The following EFNA5 variants were observed in gnomAD, a reference collection of about 807,000 sequenced individuals.
EFNA5 encodes ephrin-A5.
A neutral mutation model predicts 22.9 loss-of-function variants in EFNA5; 5 were observed. The observed-to-expected ratio is 0.22, with a 90% CI of 0.11 to 0.46. The LOEUF (loss-of-function observed/expected upper bound fraction) is 0.46, where lower values mean the gene tolerates loss of function less well. EFNA5 is among the 20% of genes least tolerant of loss of function. EFNA5 has a pLI of 0.99. For missense variants in EFNA5, 237 were observed against 293.3 expected, an observed-to-expected ratio of 0.81 and a Z score of 1.40; for synonymous variants, 113 against 112.2, an observed-to-expected ratio of 1.01 and a Z score of -0.04.
intron 1 of EFNA5, among the ~76,000 whole-genome samples, chr5:107,603,291 T>C (rs1295652374): frequency 6.6e-6 from 1 of 152,180 alleles, no homozygotes; most frequent in Admixed American, 6.5e-5. Flanking sequence ...ATTCCAGTCT[T>C]AGCTTAGAAA....
chr5:107,664,850 T>C (rs1486656051), intron 1 of EFNA5, among the ~76,000 whole-genome samples: 1 of 152,082 alleles, frequency 6.6e-6, no homozygotes, highest in African/African-American at 2.4e-5. Context: ...GAAAAGAAAA[T>C]TGATAATATA....
intron 1 of EFNA5, among the ~76,000 whole-genome samples, chr5:107,649,902 A>C (rs1251571676): frequency 1.3e-5 from 2 of 152,162 alleles, no homozygotes; most frequent in Non-Finnish European, 2.9e-5. Context: ...GGAATGATTA[A>C]GTAACTTGTC....
chr5:107,381,310 G>T lies in EFNA5; in HGVS notation c.632C>A (p.Pro211His), dbSNP rs1004258412. ...CAGTAGGATTGCCAAAAGGCGGCTG[G>T]GTATCCTTGGTGTTTGTGCCGCGTT... is the stretch of plus-strand genomic sequence containing the variant. Reference protein sequence around the residue: ...GENAAQTPRIPSRLLAILLFL... With the variant: ...GENAAQTPRIHSRLLAILLFL... Residue 211 changes from proline to histidine, a missense_variant, in exon 5 of 5, where the codon CCC (proline) becomes CAC (histidine). By Grantham distance (77) the Pro-to-His change is moderately conservative (BLOSUM62 -2). Transcript: ENST00000333274. 1.9e-5 allele frequency: 30 copies of T among 1,613,918 alleles called. No homozygotes were observed. Among genetic ancestry groups the T allele is most frequent in the Non-Finnish European group, 2.5e-5 (30 of 1,179,960 alleles).
intron 1 of EFNA5, among the ~76,000 whole-genome samples, chr5:107,649,183 T>TTTG (rs1750682864): frequency 6.6e-6 from 1 of 152,044 alleles, no homozygotes; most frequent in Non-Finnish European, 1.5e-5. Flanking sequence ...CTTGTAAAGA[T>TTTG]GAAAAACAGA....
At chr5:107,459,900 G>C (rs1218561988) in intron 1 of EFNA5, among the ~76,000 whole-genome samples, 1 of 152,066 alleles carries the variant, frequency 6.6e-6, no homozygotes, top group Admixed American at 6.6e-5. Context: ...CAAACAGCAG[G>C]GTCAGCTAGA....
At position 107,376,934 on chromosome 5, in the gene EFNA5, T is replaced by C. The variant is rs565740597; in HGVS notation, c.*4321A>G. On this transcript the variant is annotated 3_prime_UTR_variant, in exon 5 of 5. Transcript: ENST00000333274. ...TCTTTAATTTTTATTTAGTTATACT[T>C]GTACGGACACGTGTATATACAAATA... The C allele has an allele frequency of 3.3e-5, 5 of 152,038 alleles. No individual in the cohort carries two copies. The East Asian group carries it at 9.7e-4, about 29-fold the overall frequency. The allele number at this position is 152,038 out of a possible 1,614,324, so 9.4% of individuals were successfully genotyped here. A position where few individuals can be genotyped will look rare whatever the true frequency, so the allele number is the denominator to read the frequency against.
At chr5:107,473,494 C>T (rs1386706229) in intron 1 of EFNA5, among the ~76,000 whole-genome samples, 2 of 152,028 alleles carry the variant, frequency 1.3e-5, no homozygotes, top group South Asian at 2.1e-4. Flanking sequence ...CAGAATGTGA[C>T]TACAACAGAT....
intron 2 of EFNA5, among the ~76,000 whole-genome samples, chr5:107,409,470 G>T (rs567668623): frequency 1.7e-4 from 26 of 152,210 alleles, no homozygotes; most frequent in African/African-American, 6.0e-4. Flanking sequence ...AAACTACTGA[G>T]TATTGCTAGG....
At chr5:107,632,806 A>G (rs1750286357) in intron 1 of EFNA5, among the ~76,000 whole-genome samples, 1 of 152,190 alleles carries the variant, frequency 6.6e-6, no homozygotes, top group Admixed American at 6.5e-5. Context: ...GAGATCTCCA[A>G]TATAATTGCT....
chr5:107,487,852 T>C (rs377113254), intron 1 of EFNA5, among the ~76,000 whole-genome samples: 3 of 152,336 alleles, frequency 2.0e-5, no homozygotes, highest in South Asian at 4.1e-4. Context: ...CCAACAAATA[T>C]TTGCTGAATT....
At chr5:107,398,684 A>G (rs1205118160) in intron 2 of EFNA5, among the ~76,000 whole-genome samples, 1 of 151,482 alleles carries the variant, frequency 6.6e-6, no homozygotes, top group Non-Finnish European at 1.5e-5. Context: ...CTGTCTCTAT[A>G]TAAAAAAAAA....
At chr5:107,601,052 A>G (rs982787754) in intron 1 of EFNA5, among the ~76,000 whole-genome samples, 3 of 152,242 alleles carry the variant, frequency 2.0e-5, no homozygotes, top group Admixed American at 6.5e-5. Context: ...AGCAGTCCCT[A>G]TAAAGTATGT....
rs112185209 is a variant in EFNA5 at position 107,585,387 on chromosome 5, T to C, written c.125+85102A>G. ...ACCCTAAATTTCTTTCCATTTCTGATGGCAGCAACAGCCAATTCAAGGCAA... is the reference window on the plus strand; with the variant it reads ...ACCCTAAATTTCTTTCCATTTCTGACGGCAGCAACAGCCAATTCAAGGCAA... On this transcript the variant is annotated intron_variant, in intron 1 of 4. Coordinates refer to ENST00000333274, the MANE Select transcript of EFNA5 (RefSeq NM_001962.3). Among the ~76,000 whole-genome samples the C allele has an allele frequency of 7.5e-3, 1,139 of 152,284 alleles. 17 individuals are homozygous for C. Among genetic ancestry groups the C allele is most frequent in the African/African-American group, 0.026 (1,077 of 41,536 alleles).
At chr5:107,624,428 C>T (rs1201837078) in intron 1 of EFNA5, among the ~76,000 whole-genome samples, 1 of 152,072 alleles carries the variant, frequency 6.6e-6, no homozygotes, top group Non-Finnish European at 1.5e-5. Flanking sequence ...AATAATTATG[C>T]TGATGGCACA....
At chr5:107,460,643 A>AC (rs1292534039) in intron 1 of EFNA5, among the ~76,000 whole-genome samples, 1 of 152,186 alleles carries the variant, frequency 6.6e-6, no homozygotes, top group Non-Finnish European at 1.5e-5. Flanking sequence ...AGAAAAAAAA[A>AC]CCCTGAAAGT....
chr5:107,499,562 C>CA (rs1747085249), intron 1 of EFNA5, among the ~76,000 whole-genome samples: 1 of 152,158 alleles, frequency 6.6e-6, no homozygotes, highest in South Asian at 2.1e-4. Context: ...AACATATTGA[C>CA]ACTGGATTTT....
intron 1 of EFNA5, among the ~76,000 whole-genome samples, chr5:107,539,326 A>T (rs1038435153): frequency 2.0e-5 from 3 of 152,250 alleles, no homozygotes; most frequent in Non-Finnish European, 1.5e-5. Flanking sequence ...ACACTGGGAA[A>T]GAGAGAGCAA....
At chr5:107,566,244 G>A (rs1415233093) in intron 1 of EFNA5, among the ~76,000 whole-genome samples, 1 of 152,076 alleles carries the variant, frequency 6.6e-6, no homozygotes, top group African/African-American at 2.4e-5. Context: ...ATATTTGATG[G>A]GTCCTTTCCC....
At chr5:107,500,618 C>T (rs32013) in intron 1 of EFNA5, among the ~76,000 whole-genome samples, 91,008 of 151,862 alleles carry the variant, frequency 0.6, 28,303 homozygotes, top group East Asian at 0.77. Context: ...ACCTCTTACC[C>T]TCTTATACAT....
Sources: allele counts gnomAD v4.1 joint callset (sites outside exome capture counted in the v4.1 genomes callset), GRCh38; gene constraint gnomAD v4.1.1; transcripts MANE v1.5; gene names NCBI Gene and HGNC (gene_info 2026-07-23, HGNC 2026-07-21).